Variants in CTNNA3 observed in about 807,000 individuals in gnomAD.
The protein encoded by CTNNA3 is catenin alpha-3.
A neutral mutation model predicts 95.7 loss-of-function variants in CTNNA3; 76 were observed. The observed-to-expected ratio is 0.79, with a 90% CI of 0.66 to 0.96. The LOEUF is 0.96. CTNNA3 is among the 40% of genes least tolerant of loss of function. The probability of loss-of-function intolerance (pLI) is 0.00; values close to 1 mark genes in which losing one functional copy is unlikely to be tolerated. For missense variants in CTNNA3, 1,191 were observed against 1,089.8 expected, an observed-to-expected ratio of 1.09 and a Z score of -1.31; for synonymous variants, 431 against 374.4, an observed-to-expected ratio of 1.15 and a Z score of -1.74.
At chr10:66,202,652 T>C (rs2087504888) in intron 13 of CTNNA3, among the ~76,000 whole-genome samples, 1 of 152,208 alleles carries the variant, frequency 6.6e-6, no homozygotes, top group South Asian at 2.1e-4. Flanking sequence ...CAAACTTTTC[T>C]TCACTTTTAG....
chr10:67,635,754 C>A (rs766480136), intron 2 of CTNNA3, among the ~76,000 whole-genome samples: 2 of 152,092 alleles, frequency 1.3e-5, no homozygotes, highest in African/African-American at 4.8e-5. Context: ...TGAAAACGCA[C>A]AAGACAAGGA....
chr10:66,291,671 C>T (rs1251611094), intron 12 of CTNNA3, among the ~76,000 whole-genome samples: 1 of 151,936 alleles, frequency 6.6e-6, no homozygotes, highest in African/African-American at 2.4e-5. Flanking sequence ...TATTGTTTGT[C>T]ACCCTATTTG....
chr10:67,523,664 G>A (rs1372929731), intron 4 of CTNNA3, among the ~76,000 whole-genome samples: 1 of 152,086 alleles, frequency 6.6e-6, no homozygotes, highest in African/African-American at 2.4e-5. Flanking sequence ...GGGCCCCAAA[G>A]GACAGGAAGT....
chr10:66,747,408 C>A (rs568005286), intron 9 of CTNNA3, among the ~76,000 whole-genome samples: 15 of 152,304 alleles, frequency 9.8e-5, no homozygotes, highest in African/African-American at 3.6e-4. Context: ...CCATGGAAAT[C>A]TTGAGACCTG....
At chr10:66,724,956 G>C (rs946549234) in intron 9 of CTNNA3, among the ~76,000 whole-genome samples, 7 of 152,050 alleles carry the variant, frequency 4.6e-5, no homozygotes, top group African/African-American at 1.7e-4. Context: ...GACCCCCATG[G>C]ACACCAAAAT....
chr10:67,387,799 C>A (rs1353665517), intron 5 of CTNNA3, among the ~76,000 whole-genome samples: 7 of 152,228 alleles, frequency 4.6e-5, no homozygotes, highest in Non-Finnish European at 1.0e-4. Flanking sequence ...AGCAGGAGCA[C>A]ACTGACACCT....
intron 16 of CTNNA3, among the ~76,000 whole-genome samples, chr10:65,983,308 C>G (rs1457534053): frequency 1.3e-5 from 2 of 151,616 alleles, no homozygotes; most frequent in Non-Finnish European, 3.0e-5. Context: ...GTGCAAAACA[C>G]TTTTAGCAGA....
At chr10:66,201,783 C>CTTTTTTTTTTTTTTTTTTTTTT (rs1236010501) in intron 13 of CTNNA3, among the ~76,000 whole-genome samples, 1 of 79,366 alleles carries the variant, frequency 1.3e-5, no homozygotes, top group African/African-American at 5.2e-5. Context: ...TTTACTTTTT[C>CTTTTTTTTTTTTTTTTTTTTTT]TTTTTTTTTT....
At chr10:67,235,897 A>G (rs1321190350) in intron 5 of CTNNA3, among the ~76,000 whole-genome samples, 2 of 143,998 alleles carry the variant, frequency 1.4e-5, no homozygotes, top group African/African-American at 2.7e-5. Flanking sequence ...GCAGCCAAAA[A>G]ACACATGAAA....
At chr10:66,764,605 G>A (rs1433513346) in intron 9 of CTNNA3, among the ~76,000 whole-genome samples, 2 of 152,148 alleles carry the variant, frequency 1.3e-5, no homozygotes, top group African/African-American at 2.4e-5. Context: ...TGCTTTCAGA[G>A]GATTTCATAA....
chr10:67,670,935 TTCTA>T (rs1483543851), intron 1 of CTNNA3, among the ~76,000 whole-genome samples: 1 of 152,218 alleles, frequency 6.6e-6, no homozygotes, highest in Admixed American at 6.5e-5. Flanking sequence ...CTCTTTCTAC[TTCTA>T]TCTCTCTGTG....
chr10:67,426,202 A>G (rs945472694), intron 5 of CTNNA3, among the ~76,000 whole-genome samples: 1 of 152,068 alleles, frequency 6.6e-6, no homozygotes, highest in Non-Finnish European at 1.5e-5. Context: ...AGGATAATGA[A>G]ATTATTATGA....
intron 7 of CTNNA3, among the ~76,000 whole-genome samples, chr10:66,897,449 G>A (rs1353173040): frequency 2.0e-5 from 3 of 151,922 alleles, no homozygotes; most frequent in Non-Finnish European, 4.4e-5. Flanking sequence ...TTAATTCAAA[G>A]TAAAACAGTA....
At chr10:66,360,763 CCTTCCTT>C (rs2092659409) in intron 12 of CTNNA3, among the ~76,000 whole-genome samples, 1 of 94,086 alleles carries the variant, frequency 1.1e-5, no homozygotes, top group African/African-American at 3.8e-5. Context: ...TTCCTTCCTT[CCTTCCTT>C]TTCTTTCTTT....
chr10:67,638,350 T>G (rs1038617976), intron 2 of CTNNA3, among the ~76,000 whole-genome samples: 16 of 152,240 alleles, frequency 1.1e-4, no homozygotes, highest in African/African-American at 3.9e-4. Flanking sequence ...AGCACCCAGA[T>G]TCATAAAGCA....
chr10:67,520,965 G>A (rs550148444), intron 5 of CTNNA3, among the ~76,000 whole-genome samples: 4 of 152,264 alleles, frequency 2.6e-5, no homozygotes, highest in Admixed American at 6.5e-5. Flanking sequence ...TGATCGACTC[G>A]AGGCCTGGCC....
intron 5 of CTNNA3, among the ~76,000 whole-genome samples, chr10:67,424,263 T>G (rs746919861): frequency 2.0e-5 from 3 of 152,154 alleles, no homozygotes; most frequent in Admixed American, 6.6e-5. Context: ...CAATAGATTT[T>G]AAAAGATAAT....
chr10:65,972,904 G>GAAAAA (rs3052085), intron 16 of CTNNA3, among the ~76,000 whole-genome samples: 1 of 140,142 alleles, frequency 7.1e-6, no homozygotes. Context: ...TCCTAAGGGG[G>GAAAAA]AAAAAAAAAA....
chr10:67,670,834 T>G (rs1564821462), intron 1 of CTNNA3, among the ~76,000 whole-genome samples: 1 of 152,214 alleles, frequency 6.6e-6, no homozygotes, highest in African/African-American at 2.4e-5. Flanking sequence ...CTTCCGTAAC[T>G]TTTTTTACAT....
Sources: allele counts gnomAD v4.1 joint callset (sites outside exome capture counted in the v4.1 genomes callset), GRCh38; gene constraint gnomAD v4.1.1; transcripts MANE v1.5; gene names NCBI Gene and HGNC (gene_info 2026-07-23, HGNC 2026-07-21).